Variants in FLII observed in about 807,000 individuals in gnomAD.
FLII encodes the protein FLII actin remodeling protein.
A neutral mutation model predicts 156.2 loss-of-function variants in FLII; 101 were observed. The ratio of observed to expected loss-of-function variants is 0.65; its 90% CI spans 0.55 to 0.76. The LOEUF is 0.76. FLII is among the 30% of genes least tolerant of loss of function. The probability of loss-of-function intolerance (pLI) is 0.00; values close to 1 mark genes in which losing one functional copy is unlikely to be tolerated. For missense variants in FLII, 1,675 were observed against 1,682.8 expected, an observed-to-expected ratio of 1.00 and a Z score of 0.08; for synonymous variants, 767 against 685.8, an observed-to-expected ratio of 1.12 and a Z score of -1.85.
intron 18 of FLII, among the ~76,000 whole-genome samples, chr17:18,248,340 G>A (rs762757726): frequency 4.6e-5 from 7 of 151,770 alleles, no homozygotes; most frequent in East Asian, 1.9e-4. Context: ...TCTCCCCTAC[G>A]GCCCCACCAT....
At chr17:18,247,088 G>C in intron 21 of FLII, 36 bp from the exon 22 acceptor site, 1 of 1,601,138 alleles carries the variant, frequency 6.2e-7, no homozygotes, top group Non-Finnish European at 8.5e-7. Flanking sequence ...CGGCAGGTCT[G>C]AGCGCGCTCT....
At chr17:18,257,439 T>A (rs57490980) in intron 1 of FLII, among the ~76,000 whole-genome samples, 37,515 of 152,158 alleles carry the variant, frequency 0.25, 4,730 homozygotes, top group East Asian at 0.31. Context: ...ATCAGCACAC[T>A]GGCAACTCAC....
chr17:18,245,785 A>G lies in FLII; in HGVS notation c.3462T>C (p.Tyr1154=). 1.2e-6 allele frequency: 2 copies of G among 1,614,042 alleles called. No homozygotes were observed. The highest frequency in any genetic ancestry group is 1.1e-5 in the South Asian group (1 of 91,062). ...GTTTCATGTACTCGGCATCGTCATC[A>G]TAGGGCTTCTGTGCCCCAATGCCCA... ...FWVGIGAQKP[Y]DDDAEYMKHT... Residue 1154 remains tyrosine, a synonymous_variant, in exon 27 of 30, where the codon TAT becomes TAC. Transcript: ENST00000327031.
Position 18,254,064 on chromosome 17 carries a change from C to G in FLII, c.679+15G>C, listed in dbSNP as rs915413332. 1.3e-6 allele frequency: 2 copies of G among 1,597,884 alleles called. No individual in the cohort carries two copies. Among genetic ancestry groups the G allele is most frequent in the African/African-American group, 1.3e-5 (1 of 74,530 alleles). On this transcript the variant is annotated intron_variant, in intron 7 of 29. Transcript: ENST00000327031. The stretch of plus-strand genomic sequence containing the variant: ...AGGGGGCCCGAGCTCAGAGGGGCTC[C>G]TGGGGCTGCCTGACCTGCGAGGTTG...
chr17:18,253,471 C>T lies in FLII; in HGVS notation c.856-13G>A, dbSNP rs373052018. 1.1e-5 allele frequency: 18 copies of T among 1,613,690 alleles called. No homozygotes were observed. The highest frequency in any genetic ancestry group is 4.5e-5 in the East Asian group (2 of 44,898). On this transcript the variant is annotated splice_polypyrimidine_tract_variant and intron_variant, in intron 8 of 29. Transcript: ENST00000327031. ...TGCAAATGGCTGACTGGAGGGGGAACGGGCAGGGGTGGGAGGTCAGGGCCA... is the reference window on the plus strand; with the variant it reads ...TGCAAATGGCTGACTGGAGGGGGAATGGGCAGGGGTGGGAGGTCAGGGCCA...
Position 18,247,266 on chromosome 17 carries a change from G to A in FLII, c.2579C>T (p.Ser860Phe). 1 of 1,611,862 alleles carries A rather than the reference G, an allele frequency of 6.2e-7. No homozygotes were observed. Among genetic ancestry groups the A allele is most frequent in the Non-Finnish European group, 8.5e-7 (1 of 1,179,764 alleles). The part of the protein sequence containing the change: ...AEAVLQSPGL[S>F]GKVKRDAEKK... ...CTCGGCGTCGCGTTTCACCTTCCCGGAGAGACCCGGGCTCTGCAGCACGGC... is the reference window on the plus strand; with the variant it reads ...CTCGGCGTCGCGTTTCACCTTCCCGAAGAGACCCGGGCTCTGCAGCACGGC... The change falls in exon 21 of 30, where the codon TCC becomes TTC. Residue 860 changes from serine (S) to phenylalanine (F), a missense_variant. Physicochemically the swap from Ser to Phe is radical, Grantham distance 155. Around this residue, in one of 2 missense-constraint regions of FLII, gnomAD observed 1,332 missense variants for 1,269.3 expected, o/e 1.05. Coordinates refer to ENST00000327031, the MANE Select transcript of FLII (RefSeq NM_002018.4).
chr17:18,247,547 A>AGGAGGTG (rs1013751183), intron 20 of FLII, 110 bp downstream of exon 20: 5 of 1,126,320 alleles, frequency 4.4e-6, no homozygotes, highest in Admixed American at 2.8e-5. Context: ...GTCAGCAAAG[A>AGGAGGTG]GGAGGTGGGT....
At position 18,245,539 on chromosome 17, in the gene FLII, A is replaced by G. The variant is rs764696789; in HGVS notation, c.3609+16T>C. ...GGCGCCTCCTTGGATGGGCAGGGCT[A>G]GTGGCAACATCACACCTCTTGGCCA... On this transcript the variant is annotated intron_variant, in intron 28 of 29. Transcript: ENST00000327031. 49 of 1,612,284 alleles carry G rather than the reference A, an allele frequency of 3.0e-5. No homozygotes were observed. Among genetic ancestry groups the G allele is most frequent in the Non-Finnish European group, 4.1e-5 (48 of 1,178,724 alleles).
chr17:18,248,965 T>C, intron 16 of FLII, 82 bp from the exon 17 acceptor site: 2 of 1,438,350 alleles, frequency 1.4e-6, no homozygotes, highest in East Asian at 4.6e-5. Flanking sequence ...CCAAAAAAAA[T>C]CCCTCACTAT....
chr17:18,245,454 G>A (rs747492079), intron 28 of FLII, 35 bp from the exon 29 acceptor site: 8 of 1,613,234 alleles, frequency 5.0e-6, no homozygotes, highest in Non-Finnish European at 6.8e-6. Context: ...GGTTGCATGG[G>A]TGCCTGGGAA....
At chr17:18,253,952 G>T in intron 7 of FLII, 127 bp downstream of exon 7, 1 of 802,766 alleles carries the variant, frequency 1.2e-6, no homozygotes, top group African/African-American at 1.7e-5. Flanking sequence ...AAAAGTCACT[G>T]TAACATAACT....
intron 14 of FLII, 25 bp downstream of exon 14, chr17:18,250,813 A>G: frequency 6.3e-7 from 1 of 1,595,530 alleles, no homozygotes; most frequent in South Asian, 1.1e-5. Flanking sequence ...CACTCTGCCC[A>G]CCCCCAATTT....
Position 18,249,185 on chromosome 17 carries a change from C to T in FLII, c.1876G>A (p.Gly626Arg), listed in dbSNP as rs1481881654. 2.5e-6 allele frequency: 4 copies of T among 1,614,190 alleles called. 1 individual carries two copies. The highest frequency in any genetic ancestry group is 3.3e-4 in the Middle Eastern group (2 of 6,062). The change falls in exon 16 of 30, where the codon GGG becomes AGG. Residue 626 changes from glycine to arginine, a missense_variant. Around this residue, in one of 2 missense-constraint regions of FLII, gnomAD observed 1,332 missense variants for 1,269.3 expected, o/e 1.05. Coordinates refer to ENST00000327031, the MANE Select transcript of FLII (RefSeq NM_002018.4). Reference protein sequence around the residue: ...HYVTRMYRVYGKKNIKLEPVP... With the variant: ...HYVTRMYRVYRKKNIKLEPVP... ...GGCTCCAACTTGATGTTCTTTTTCC[C>T]ATACACACGATACATCCTGGGCGCA...
In FLII at chr17:18,254,196, G is replaced by A. The variant is rs374280083; in HGVS notation, c.576-14C>T. ...GCTGGGAGCTGCCTGCCAGGGTGAC[G>A]TGAGTGGTCAGGGCCAGGGCCCACC... On this transcript the variant is annotated splice_polypyrimidine_tract_variant and intron_variant, in intron 6 of 29. Coordinates refer to ENST00000327031, the MANE Select transcript of FLII (RefSeq NM_002018.4). 295 of 1,594,154 alleles carry A rather than the reference G, an allele frequency of 1.9e-4. 1 individual carries two copies. Among genetic ancestry groups the A allele is most frequent in the Non-Finnish European group, 2.3e-4 (272 of 1,169,660 alleles).
chr17:18,254,971 G>A (rs779732949), intron 4 of FLII, 117 bp from the exon 5 acceptor site: 2 of 1,068,868 alleles, frequency 1.9e-6, no homozygotes, highest in Non-Finnish European at 1.4e-6. Flanking sequence ...GGGGGCTTCA[G>A]GGCCAAAGGG....
At position 18,248,625 on chromosome 17, in the gene FLII, T is replaced by G. The variant is rs1176791494; in HGVS notation, c.2115A>C (p.Ala705=). Residue 705 remains alanine (A), a synonymous_variant, in exon 18 of 30, where the codon GCA becomes GCC. Coordinates refer to ENST00000327031, the MANE Select transcript of FLII (RefSeq NM_002018.4). ...QGQELPEFWE[A]LGGEPSEIKK... Reference sequence around the variant, plus strand: ...TGATCTCAGAGGGCTCCCCACCCAGTGCCTCCCAGAACTCTGGGAGCTCCT... The same window carrying G: ...TGATCTCAGAGGGCTCCCCACCCAGGGCCTCCCAGAACTCTGGGAGCTCCT... 1.9e-6 allele frequency: 3 copies of G among 1,613,900 alleles called. No individual in the cohort carries two copies. Among genetic ancestry groups the G allele is most frequent in the Non-Finnish European group, 2.5e-6 (3 of 1,179,936 alleles).
intron 21 of FLII, 28 bp from the exon 22 acceptor site, chr17:18,247,080 G>A (rs1478061223): frequency 6.2e-7 from 1 of 1,604,976 alleles, no homozygotes; most frequent in Non-Finnish European, 8.5e-7. Context: ...CCGCCCCGCG[G>A]CAGGTCTGAG....
In FLII at chr17:18,251,787, G is replaced by C; in HGVS notation, c.1276C>G (p.Arg426Gly). ...AGSGPKDPMA[R>G]KMRLRRRKDS... The stretch of plus-strand genomic sequence containing the variant: ...TTGCGCCTCCGCAGTCGCATCTTGC[G>C]AGCCATAGGGTCCTTGGGCCCACTC... Residue 426 changes from arginine (R) to glycine (G), a missense_variant, in exon 12 of 30, where the codon CGC (arginine) becomes GGC (glycine). Coordinates refer to ENST00000327031, the MANE Select transcript of FLII (RefSeq NM_002018.4). 1 of 1,613,828 alleles carries C rather than the reference G, an allele frequency of 6.2e-7. No homozygotes were observed. The highest frequency in any genetic ancestry group is 8.5e-7 in the Non-Finnish European group (1 of 1,180,040).
chr17:18,254,945 G>C lies in FLII; in HGVS notation c.328-91C>G, dbSNP rs375958172. ...GGGATCAGGCAGGGCACTGAGTTGG[G>C]TGTGGGGGTAGATGAGGGGGCTTCA... On this transcript the variant is annotated intron_variant, in intron 4 of 29. Coordinates refer to ENST00000327031, the MANE Select transcript of FLII (RefSeq NM_002018.4). 1,463 of 1,332,216 alleles carry C rather than the reference G, an allele frequency of 1.1e-3. 30 individuals carry two copies. In the South Asian group the frequency reaches 0.017, roughly 15 times the overall value. 82.5% of individuals were successfully genotyped at this position (1,332,216 alleles called of 1,614,324 possible). A position where few individuals can be genotyped will look rare whatever the true frequency, so the allele number is the denominator to read the frequency against.
Sources: allele counts gnomAD v4.1 joint callset (sites outside exome capture counted in the v4.1 genomes callset), GRCh38; gene constraint gnomAD v4.1.1; regional missense constraint gnomAD v4.1.1; transcripts MANE v1.5; gene names NCBI Gene and HGNC (gene_info 2026-07-23, HGNC 2026-07-21).